FOXP2: variants seen among roughly 807,000 people sequenced by gnomAD.
FOXP2 encodes forkhead box P2, also known as forkhead box protein P2.
In FOXP2, 12 loss-of-function variants were observed where a neutral mutation model predicts 115.8. That is an observed-to-expected ratio of 0.10 (90% confidence interval 0.07 to 0.17). The LOEUF is 0.17. FOXP2 is among the 10% of genes least tolerant of loss of function. The pLI is 1.00. For synonymous variants in FOXP2, 328 were observed against 297.7 expected (o/e 1.10, Z -1.05); for missense variants, 629 against 843.5 (o/e 0.75, Z 3.15).
chr7:114,658,853 C>T (rs1256255929), intron 11 of FOXP2, among the ~76,000 whole-genome samples: 1 of 152,164 alleles, frequency 6.6e-6, no homozygotes, highest in Non-Finnish European at 1.5e-5. Context: ...CCTGGGGCAT[C>T]TGGATAATCA....
intron 1 of FOXP2, among the ~76,000 whole-genome samples, chr7:114,255,241 G>T (rs936675305): frequency 6.6e-6 from 1 of 152,208 alleles, no homozygotes; most frequent in African/African-American, 2.4e-5. Flanking sequence ...GGGGGTCAGG[G>T]ACCCACTTGA....
chr7:114,426,354 T>C, intron 1 of FOXP2, 148 bp from the exon 2 acceptor site: 1 of 710,442 alleles, frequency 1.4e-6, no homozygotes, highest in African/African-American at 1.8e-5. Flanking sequence ...TGAATTTGTA[T>C]TGCTTTCCTT....
At chr7:114,637,685 A>G (rs190983334) in intron 6 of FOXP2, among the ~76,000 whole-genome samples, 1 of 152,306 alleles carries the variant, frequency 6.6e-6, no homozygotes, top group African/African-American at 2.4e-5. Flanking sequence ...AGTAAAATAT[A>G]TAGTGGTGAG....
At chr7:114,292,620 A>G (rs1281586939) in intron 2 of FOXP2, among the ~76,000 whole-genome samples, 1 of 152,074 alleles carries the variant, frequency 6.6e-6, no homozygotes, top group African/African-American at 2.4e-5. Context: ...GCACATTTAA[A>G]TTTCTACCTT....
intron 3 of FOXP2, among the ~76,000 whole-genome samples, chr7:114,602,936 G>T (rs972597400): frequency 2.0e-5 from 3 of 151,990 alleles, no homozygotes; most frequent in African/African-American, 7.3e-5. Flanking sequence ...AATTATTTCA[G>T]GGTTACTTTT....
At chr7:114,192,904 G>A (rs915675335) in intron 1 of FOXP2, among the ~76,000 whole-genome samples, 2 of 152,144 alleles carry the variant, frequency 1.3e-5, no homozygotes, top group African/African-American at 4.8e-5. Context: ...GCTATGGACT[G>A]TGTTCAAGTG....
chr7:114,338,748 T>TCA (rs56411270), intron 2 of FOXP2, among the ~76,000 whole-genome samples: 42,229 of 146,276 alleles, frequency 0.29, 5,981 homozygotes, highest in African/African-American at 0.32. Context: ...GTCAAGATGT[T>TCA]CACACACACA....
At chr7:114,614,507 A>G (rs1803819543) in intron 3 of FOXP2, among the ~76,000 whole-genome samples, 1 of 152,124 alleles carries the variant, frequency 6.6e-6, no homozygotes, top group Non-Finnish European at 1.5e-5. Context: ...TTTTTTTAAC[A>G]TAGTTAAATT....
intron 1 of FOXP2, among the ~76,000 whole-genome samples, chr7:114,244,871 C>T (rs913103311): frequency 1.3e-5 from 2 of 151,962 alleles, no homozygotes; most frequent in Non-Finnish European, 1.5e-5. Context: ...ACGCCATTCT[C>T]CTGCCTCAGC....
At chr7:114,640,744 G>A (rs1805477722) in intron 6 of FOXP2, among the ~76,000 whole-genome samples, 1 of 152,096 alleles carries the variant, frequency 6.6e-6, no homozygotes, top group Admixed American at 6.5e-5. Context: ...GGTTGGGAGA[G>A]GTAGTTTGAG....
At chr7:114,256,899 C>A (rs1259390651) in intron 1 of FOXP2, among the ~76,000 whole-genome samples, 1 of 152,136 alleles carries the variant, frequency 6.6e-6, no homozygotes, top group African/African-American at 2.4e-5. Flanking sequence ...CAGTGCTATT[C>A]CCATTAAACT....
At chr7:114,291,834 A>C (rs1027857486) in intron 2 of FOXP2, among the ~76,000 whole-genome samples, 1 of 143,586 alleles carries the variant, frequency 7.0e-6, no homozygotes, top group African/African-American at 2.5e-5. Flanking sequence ...TACATATATA[A>C]TGTTTTATAT....
chr7:114,177,815 C>T (rs1793355729), intron 1 of FOXP2, among the ~76,000 whole-genome samples: 1 of 151,892 alleles, frequency 6.6e-6, no homozygotes. Context: ...GGTGAGAACA[C>T]TTAAAACCTG....
At chr7:114,250,974 A>G (rs1212794249) in intron 1 of FOXP2, among the ~76,000 whole-genome samples, 3 of 152,140 alleles carry the variant, frequency 2.0e-5, no homozygotes, top group East Asian at 1.9e-4. Flanking sequence ...GAATTTTTGT[A>G]TAAGGAAAAA....
At chr7:114,642,748 A>ACTG in intron 7 of FOXP2, 125 bp downstream of exon 7, 1 of 498,710 alleles carries the variant, frequency 2.0e-6, no homozygotes, top group South Asian at 2.4e-5. Context: ...CAGATTAGAA[A>ACTG]TCTTTAGATT....
At position 114,271,798 on chromosome 7, in the gene FOXP2, T is replaced by C. The variant is rs1194548106; in HGVS notation, c.-101-16221T>C. Among the ~76,000 whole-genome samples, 7 of 119,532 alleles carry C rather than the reference T, an allele frequency of 5.9e-5. No individual in the cohort carries two copies. In the South Asian group the frequency reaches 1.6e-3, roughly 27 times the overall value. 78.4% of individuals were successfully genotyped at this position (119,532 alleles called of 152,430 possible). A position where few individuals can be genotyped will look rare whatever the true frequency, so the allele number is the denominator to read the frequency against. ...TATTTATATATAAATGTATGTCATA[T>C]TATTTATATTTATATATAATATAAA... is the stretch of plus-strand genomic sequence containing the variant. On this transcript the variant is annotated intron_variant, in intron 1 of 17. Transcript: ENST00000634411.
intron 2 of FOXP2, among the ~76,000 whole-genome samples, chr7:114,476,513 G>A (rs1473853181): frequency 6.6e-6 from 1 of 151,970 alleles, no homozygotes; most frequent in Non-Finnish European, 1.5e-5. Context: ...TGCTGTTTTG[G>A]TTACTGTAGC....
At chr7:114,579,893 T>C (rs1801759163) in intron 3 of FOXP2, among the ~76,000 whole-genome samples, 1 of 152,162 alleles carries the variant, frequency 6.6e-6, no homozygotes, top group Non-Finnish European at 1.5e-5. Flanking sequence ...AAATACGTAA[T>C]TTAGGATTCA....
intron 3 of FOXP2, 22 bp downstream of exon 3, chr7:114,534,728 T>C (rs1458155253): frequency 1.3e-6 from 2 of 1,581,460 alleles, no homozygotes; most frequent in Non-Finnish European, 8.7e-7. Context: ...ACTCCTGTCC[T>C]TGGGGTCTTA....
Sources: gnomAD v4.1 joint callset for allele counts (sites outside exome capture counted in the v4.1 genomes callset) on GRCh38, gnomAD v4.1.1 for gene constraint, MANE v1.5 for transcripts, NCBI Gene and HGNC (gene_info 2026-07-23, HGNC 2026-07-21) for gene names.